Variants in MAPK4 observed in about 807,000 individuals in gnomAD.
MAPK4 encodes the protein mitogen-activated protein kinase 4, also known as Erk3-related.
A neutral mutation model predicts 47.7 loss-of-function variants in MAPK4; 22 were observed. The observed-to-expected ratio is 0.46, with a 90% CI of 0.33 to 0.66. MAPK4 has a LOEUF of 0.66. Ranked by LOEUF, MAPK4 falls within the 30% of genes least tolerant of loss-of-function variation. The pLI is 0.02. For missense variants in MAPK4, 736 were observed against 831.7 expected (o/e 0.88, Z 1.42); for synonymous variants, 390 against 365.7 (o/e 1.07, Z -0.76).
At chr18:50,602,600 A>C (rs78804570) in intron 1 of MAPK4, among the ~76,000 whole-genome samples, 3,140 of 152,342 alleles carry the variant, frequency 0.021, 104 homozygotes, top group African/African-American at 0.07. Context: ...CCTAATCAGG[A>C]ATCAACATTC....
intron 1 of MAPK4, among the ~76,000 whole-genome samples, chr18:50,563,279 T>G (rs2042169774): frequency 6.6e-6 from 1 of 152,190 alleles, no homozygotes; most frequent in African/African-American, 2.4e-5. Flanking sequence ...CAAAGACAAC[T>G]AACAAAGACT....
intron 1 of MAPK4, among the ~76,000 whole-genome samples, chr18:50,589,666 A>G (rs1326883421): frequency 6.6e-6 from 1 of 152,098 alleles, no homozygotes; most frequent in Non-Finnish European, 1.5e-5. Flanking sequence ...AAGGCAAATT[A>G]TCGTTTAAAT....
At chr18:50,671,845 A>G (rs9965548) in intron 2 of MAPK4, among the ~76,000 whole-genome samples, 10,609 of 150,714 alleles carry the variant, frequency 0.07, 866 homozygotes, top group African/African-American at 0.2. Flanking sequence ...AGCTATGATT[A>G]TACCATCGCA....
chr18:50,589,645 A>G (rs2042419836), intron 1 of MAPK4, among the ~76,000 whole-genome samples: 1 of 152,038 alleles, frequency 6.6e-6, no homozygotes, highest in Non-Finnish European at 1.5e-5. Flanking sequence ...TGGTGTATCT[A>G]GAACATTTTG....
At chr18:50,575,630 C>T (rs1303245897) in intron 1 of MAPK4, among the ~76,000 whole-genome samples, 1 of 151,846 alleles carries the variant, frequency 6.6e-6, no homozygotes, top group Non-Finnish European at 1.5e-5. Flanking sequence ...CAAAAATTGA[C>T]AAATGGAACC....
At chr18:50,574,025 C>T (rs1037530955) in intron 1 of MAPK4, among the ~76,000 whole-genome samples, 3 of 152,198 alleles carry the variant, frequency 2.0e-5, no homozygotes, top group Non-Finnish European at 2.9e-5. Context: ...GAAGCCACTT[C>T]TGATTCCACA....
rs1350074631 is a variant in MAPK4 at position 50,664,329 on chromosome 18, A to G, written c.371A>G (p.Glu124Gly). Residue 124 changes from glutamate to glycine, a missense_variant, in exon 2 of 6, where the codon GAG (glutamate) becomes GGG (glycine). By Grantham distance (98) the Glu-to-Gly change is moderately conservative (BLOSUM62 -2). Coordinates refer to ENST00000400384, the MANE Select transcript of MAPK4 (RefSeq NM_002747.4). The surrounding 1 kb of genome is among the most constrained non-coding windows in gnomAD (Gnocchi z 6.0). The stretch of plus-strand genomic sequence containing the variant: ...CTGGAGCAGGGCACGCTGGCAGAAG[A>G]GCATGCCAAGCTGTTCATGTACCAG... Reference protein sequence around the residue: ...RLLEQGTLAEEHAKLFMYQLL... With the variant: ...RLLEQGTLAEGHAKLFMYQLL... 4 of 1,613,780 alleles carry G rather than the reference A, an allele frequency of 2.5e-6. No individual in the cohort carries two copies. The highest frequency in any genetic ancestry group is 3.4e-6 in the Non-Finnish European group (4 of 1,179,976).
chr18:50,688,889 TAAAAAAAAAA>T (rs35330620), intron 2 of MAPK4, among the ~76,000 whole-genome samples: 1 of 115,894 alleles, frequency 8.6e-6, no homozygotes, highest in African/African-American at 3.3e-5. Flanking sequence ...CCTATGGAAA[TAAAAAAAAAA>T]AAAAAAAAAA....
At chr18:50,649,594 G>A (rs1235360831) in intron 1 of MAPK4, among the ~76,000 whole-genome samples, 4 of 152,192 alleles carry the variant, frequency 2.6e-5, no homozygotes. Flanking sequence ...CCGTAAGGAA[G>A]CTCTGTGCAT....
At chr18:50,590,851 C>G (rs2042430798) in intron 1 of MAPK4, among the ~76,000 whole-genome samples, 1 of 152,104 alleles carries the variant, frequency 6.6e-6, no homozygotes, top group South Asian at 2.1e-4. Flanking sequence ...GTAAATCATA[C>G]AGTCTCCCAA....
At chr18:50,712,564 A>G (rs1910431693) in intron 2 of MAPK4, among the ~76,000 whole-genome samples, 1 of 148,250 alleles carries the variant, frequency 6.7e-6, no homozygotes, top group Non-Finnish European at 1.5e-5. Flanking sequence ...AAAAAGGAAG[A>G]GCTGGAAAGC....
At chr18:50,636,173 C>G (rs556810464) in intron 1 of MAPK4, among the ~76,000 whole-genome samples, 2 of 152,314 alleles carry the variant, frequency 1.3e-5, no homozygotes, top group East Asian at 3.9e-4. Context: ...CTTAAGGACC[C>G]CTAACTCAGT....
intron 1 of MAPK4, among the ~76,000 whole-genome samples, chr18:50,620,285 G>A (rs533514252): frequency 6.6e-6 from 1 of 152,348 alleles, no homozygotes; most frequent in South Asian, 2.1e-4. Flanking sequence ...TGTGAAGACA[G>A]CGGCAGAGCT....
chr18:50,567,934 C>T (rs1219266588), intron 1 of MAPK4, among the ~76,000 whole-genome samples: 3 of 151,994 alleles, frequency 2.0e-5, no homozygotes, highest in Non-Finnish European at 4.4e-5. Flanking sequence ...CAGTGGCTCA[C>T]GCCTGTAATC....
intron 2 of MAPK4, among the ~76,000 whole-genome samples, chr18:50,697,133 G>C (rs1909556471): frequency 6.6e-6 from 1 of 152,182 alleles, no homozygotes; most frequent in African/African-American, 2.4e-5. Flanking sequence ...GACTCCCCAG[G>C]GGGTTCTGAT....
chr18:50,598,142 G>C (rs1361396853), intron 1 of MAPK4, among the ~76,000 whole-genome samples: 1 of 152,184 alleles, frequency 6.6e-6, no homozygotes, highest in East Asian at 1.9e-4. Context: ...AAACCTCCAA[G>C]ATATGTTAGA....
intron 1 of MAPK4, among the ~76,000 whole-genome samples, chr18:50,562,280 T>G (rs1374594395): frequency 6.6e-6 from 1 of 152,206 alleles, no homozygotes; most frequent in African/African-American, 2.4e-5. Flanking sequence ...TTGGGTTGGT[T>G]GCAAGTTGAC....
intron 1 of MAPK4, among the ~76,000 whole-genome samples, chr18:50,655,216 C>T (rs1388600794): frequency 6.6e-6 from 1 of 152,192 alleles, no homozygotes; most frequent in Non-Finnish European, 1.5e-5. Context: ...GCTCACACGT[C>T]CCAGGGGGAG....
intron 1 of MAPK4, among the ~76,000 whole-genome samples, chr18:50,576,156 G>T (rs1233546859): frequency 6.6e-6 from 1 of 152,078 alleles, no homozygotes. Context: ...ATACCCAAAG[G>T]AATTTAAATC....
Sources: gnomAD v4.1 joint callset for allele counts (sites outside exome capture counted in the v4.1 genomes callset) on GRCh38, gnomAD v4.1.1 for gene constraint, Gnocchi (gnomAD v3.1) non-coding constraint, MANE v1.5 for transcripts, NCBI Gene and HGNC (gene_info 2026-07-23, HGNC 2026-07-21) for gene names.